The following SYCP2 variants were observed in gnomAD, a reference collection of about 807,000 sequenced individuals.
SYCP2 encodes the protein synaptonemal complex protein 2, also known as synaptonemal complex lateral element protein.
A neutral mutation model predicts 211.3 loss-of-function variants in SYCP2; 55 were observed. The observed-to-expected ratio is 0.26, with a 90% CI of 0.21 to 0.33. SYCP2 has a LOEUF of 0.33. SYCP2 is among the 10% of genes least tolerant of loss of function. SYCP2 has a pLI of 1.00. For missense variants in SYCP2, 1,731 were observed against 1,752.0 expected, an observed-to-expected ratio of 0.99 and a Z score of 0.21; for synonymous variants, 570 against 555.2, an observed-to-expected ratio of 1.03 and a Z score of -0.37.
chr20:59,927,551 T>C (rs1318122592), intron 2 of SYCP2, among the ~76,000 whole-genome samples: 1 of 151,964 alleles, frequency 6.6e-6, no homozygotes, highest in Non-Finnish European at 1.5e-5. Flanking sequence ...CCAAAGAGAA[T>C]ACCCAAAAGA....
intron 35 of SYCP2, among the ~76,000 whole-genome samples, chr20:59,871,516 G>A (rs1483441149): frequency 1.3e-5 from 2 of 151,906 alleles, no homozygotes; most frequent in Admixed American, 6.6e-5. Context: ...CTAACACAGA[G>A]TAGCATCAAA....
At chr20:59,909,834 A>C (rs1260794887) in intron 14 of SYCP2, among the ~76,000 whole-genome samples, 1 of 152,200 alleles carries the variant, frequency 6.6e-6, no homozygotes, top group Non-Finnish European at 1.5e-5. Flanking sequence ...TAACTACTAT[A>C]AAGGAAATAA....
intron 2 of SYCP2, 65 bp downstream of exon 2, chr20:59,931,994 CTAT>C (rs1236885498): frequency 3.3e-5 from 5 of 152,264 alleles, no homozygotes; most frequent in Non-Finnish European, 7.3e-5. Context: ...GGAACTACTA[CTAT>C]GTAACAGAAC....
chr20:59,877,276 A>G (rs11086682), intron 33 of SYCP2, 109 bp downstream of exon 33: 19,028 of 772,846 alleles, frequency 0.025, 283 homozygotes, highest in Middle Eastern at 0.034. Flanking sequence ...TTGTCATAAA[A>G]GAAGTTAACT....
chr20:59,916,708 G>A, intron 7 of SYCP2, 137 bp from the exon 8 acceptor site: 1 of 582,464 alleles, frequency 1.7e-6, no homozygotes, highest in Non-Finnish European at 3.1e-6. Flanking sequence ...GGAAGGCCCA[G>A]ATAGGTAGAC....
chr20:59,885,665 C>G (rs551477409), intron 26 of SYCP2, among the ~76,000 whole-genome samples: 34 of 151,922 alleles, frequency 2.2e-4, no homozygotes, highest in Non-Finnish European at 5.9e-5. Context: ...CGCGCGCACG[C>G]GCGATAAGGA....
intron 24 of SYCP2, among the ~76,000 whole-genome samples, chr20:59,887,104 A>T (rs2059805943): frequency 6.6e-6 from 1 of 151,952 alleles, no homozygotes; most frequent in Non-Finnish European, 1.5e-5. Context: ...TGCACCCATT[A>T]ACTCGTCATT....
At position 59,873,930 on chromosome 20, in the gene SYCP2, A is replaced by T. The variant is rs768858476; in HGVS notation, c.3481T>A (p.Ser1161Thr). 6.2e-7 allele frequency: 1 copy of T among 1,613,228 alleles called. No homozygotes were observed. Among genetic ancestry groups the T allele is most frequent in the Admixed American group, 1.7e-5 (1 of 59,904 alleles). ...SNSGVGGTIK[S>T]PKNNEKNFLC... ...AAGTTTTTCTCATTGTTTTTGGGTG[A>T]CTTTATTGTACCTCCAACTCCACTG... The change falls in exon 35 of 45, where the codon TCA becomes ACA. Residue 1161 changes from serine to threonine, a missense_variant. Ser to Thr is a moderately conservative substitution (Grantham distance 58). This residue lies in a region of SYCP2 where 1,387 missense variants were observed against 1,351.3 expected (regional missense o/e 1.03). Transcript: ENST00000357552.
At chr20:59,884,459 A>G (rs1307793926) in intron 26 of SYCP2, among the ~76,000 whole-genome samples, 1 of 152,124 alleles carries the variant, frequency 6.6e-6, no homozygotes, top group Non-Finnish European at 1.5e-5. Context: ...CTATGATTAA[A>G]TATCACTAAA....
At chr20:59,927,440 C>G (rs889015785) in intron 2 of SYCP2, among the ~76,000 whole-genome samples, 1 of 152,074 alleles carries the variant, frequency 6.6e-6, no homozygotes, top group African/African-American at 2.4e-5. Context: ...AAAACAGTGA[C>G]ATTTCTGCCT....
chr20:59,892,481 A>C, intron 23 of SYCP2, 55 bp from the exon 24 acceptor site: 1 of 1,481,496 alleles, frequency 6.7e-7, no homozygotes, highest in Non-Finnish European at 9.1e-7. Context: ...TGACATATGT[A>C]AAATTTGTTA....
Position 59,893,185 on chromosome 20 carries a change from C to T in SYCP2, c.1750G>A (p.Val584Ile). Residue 584 changes from valine to isoleucine, a missense_variant, in exon 22 of 45, where the codon GTT becomes ATT. By Grantham distance (29) the Val-to-Ile change is conservative. Transcript: ENST00000357552. Reference protein sequence around the residue: ...PNQNFSELQDVIPDSQAAEKR... With the variant: ...PNQNFSELQDIIPDSQAAEKR... ...TCCGCTGCCTGTGAATCTGGTATAA[C>T]ATCCTGGAGTTCACCTAAATAAAAC... is the stretch of plus-strand genomic sequence containing the variant. 2.5e-6 allele frequency: 4 copies of T among 1,600,856 alleles called. No homozygotes were observed. Among genetic ancestry groups the T allele is most frequent in the Non-Finnish European group, 2.6e-6 (3 of 1,172,784 alleles).
At chr20:59,886,899 G>A in intron 24 of SYCP2, 65 bp from the exon 25 acceptor site, 8 of 1,307,220 alleles carry the variant, frequency 6.1e-6, no homozygotes, top group Non-Finnish European at 8.3e-6. Flanking sequence ...AATAAAGGCT[G>A]AAAAAAACTT....
At chr20:59,926,923 C>A (rs2060644541) in intron 2 of SYCP2, among the ~76,000 whole-genome samples, 1 of 152,152 alleles carries the variant, frequency 6.6e-6, no homozygotes, top group South Asian at 2.1e-4. Context: ...GAAATATTTT[C>A]TCCATTTCAA....
intron 18 of SYCP2, among the ~76,000 whole-genome samples, chr20:59,897,183 A>G (rs1240109510): frequency 6.6e-6 from 1 of 152,176 alleles, no homozygotes; most frequent in Non-Finnish European, 1.5e-5. Context: ...ATGGTGACAT[A>G]CTGCATAGAG....
At chr20:59,877,083 C>T (rs1283012570) in intron 33 of SYCP2, among the ~76,000 whole-genome samples, 2 of 152,110 alleles carry the variant, frequency 1.3e-5, no homozygotes, top group African/African-American at 2.4e-5. Context: ...CACAGCTTCT[C>T]CATGCTATAC....
In SYCP2 at chr20:59,864,133, T is replaced by C. The variant is rs904859214; in HGVS notation, c.*178A>G. The C allele has an allele frequency of 6.8e-5, 29 of 427,586 alleles. No individual in the cohort carries two copies. The highest frequency in any genetic ancestry group is 5.8e-4 in the African/African-American group (28 of 48,400). 26.5% of individuals were successfully genotyped at this position (427,586 alleles called of 1,614,324 possible). On this transcript the variant is annotated 3_prime_UTR_variant, in exon 45 of 45. Coordinates refer to ENST00000357552, the MANE Select transcript of SYCP2 (RefSeq NM_014258.4). ...CAGAAGTCTTCTGGGCTTGGACTCA[T>C]GTTATAGTGGTTCCCTCTCATCCAT...
In SYCP2 at chr20:59,916,326, C is replaced by T. The variant is rs892875438; in HGVS notation, c.513+160G>A. 4.6e-5 allele frequency among the ~76,000 whole-genome samples: 7 copies of T among 152,106 alleles called. No homozygotes were observed. In the East Asian group the frequency reaches 1.2e-3, roughly 25 times the overall value. On this transcript the variant is annotated intron_variant, in intron 8 of 44. Coordinates refer to ENST00000357552, the MANE Select transcript of SYCP2 (RefSeq NM_014258.4). ...ATAAACCCATATGGTTATAAATTTT[C>T]AGTAAGTATTTCGGAAATATGTCAG...
chr20:59,904,637 C>T (rs2060180782), intron 15 of SYCP2, among the ~76,000 whole-genome samples: 1 of 152,146 alleles, frequency 6.6e-6, no homozygotes, highest in East Asian at 1.9e-4. Flanking sequence ...GAGGCAACAA[C>T]ATATGACTGA....
Sources: gnomAD v4.1 joint callset for allele counts (sites outside exome capture counted in the v4.1 genomes callset) on GRCh38, gnomAD v4.1.1 for gene constraint, gnomAD v4.1.1 regional missense constraint, MANE v1.5 for transcripts, NCBI Gene and HGNC (gene_info 2026-07-23, HGNC 2026-07-21) for gene names.